WWTR1: variants seen among roughly 807,000 people sequenced by gnomAD.
WWTR1 encodes WW domain-containing transcription regulator protein 1.
A neutral mutation model predicts 40.1 loss-of-function variants in WWTR1; 13 were observed. That is an observed-to-expected ratio of 0.32 (90% CI 0.21 to 0.52). WWTR1 has a LOEUF of 0.52. Ranked by LOEUF, WWTR1 falls within the 20% of genes least tolerant of loss-of-function variation. The pLI, the probability that WWTR1 is intolerant of heterozygous loss-of-function variation, is 0.97. For synonymous variants in WWTR1, 230 were observed against 210.1 expected (o/e 1.09, Z -0.82); for missense variants, 436 against 523.1 (o/e 0.83, Z 1.63).
intron 3 of WWTR1, among the ~76,000 whole-genome samples, chr3:149,545,102 G>A (rs1216735233): frequency 6.6e-6 from 1 of 152,162 alleles, no homozygotes; most frequent in African/African-American, 2.4e-5. Flanking sequence ...AGTCATGATT[G>A]ATGCCAAAAA....
intron 2 of WWTR1, among the ~76,000 whole-genome samples, chr3:149,577,411 G>A (rs1175432323): frequency 6.6e-6 from 1 of 152,094 alleles, no homozygotes; most frequent in Admixed American, 6.5e-5. Flanking sequence ...TGGTATGTGG[G>A]GTTAACGGTA....
chr3:149,528,060 C>G, intron 4 of WWTR1, 91 bp from the exon 5 acceptor site: 1 of 1,484,144 alleles, frequency 6.7e-7, no homozygotes, highest in African/African-American at 1.4e-5. Context: ...TCACCAAATA[C>G]AAAGCACTGT....
intron 2 of WWTR1, among the ~76,000 whole-genome samples, chr3:149,602,981 C>T (rs1739309860): frequency 6.8e-6 from 1 of 146,936 alleles, no homozygotes. Flanking sequence ...ATTTTAAAGC[C>T]AAAGATAAAT....
intron 4 of WWTR1, 71 bp downstream of exon 4, chr3:149,542,264 A>G (rs1560051772): frequency 6.6e-7 from 1 of 1,511,436 alleles, no homozygotes; most frequent in African/African-American, 1.4e-5. Flanking sequence ...CCTGAAGGTA[A>G]GCAGCTACCT....
At chr3:149,671,972 T>C (rs1336258006) in intron 1 of WWTR1, among the ~76,000 whole-genome samples, 1 of 152,138 alleles carries the variant, frequency 6.6e-6, no homozygotes, top group Non-Finnish European at 1.5e-5. Context: ...GGTCCCCAGG[T>C]AAGCAAAGTG....
chr3:149,530,812 C>T (rs934215866), intron 4 of WWTR1, among the ~76,000 whole-genome samples: 3 of 152,244 alleles, frequency 2.0e-5, no homozygotes, highest in East Asian at 3.9e-4. Context: ...ACTTAATCAC[C>T]AAGTCATCCT....
At chr3:149,614,989 A>T (rs988911456) in intron 2 of WWTR1, among the ~76,000 whole-genome samples, 1 of 152,176 alleles carries the variant, frequency 6.6e-6, no homozygotes, top group African/African-American at 2.4e-5. Context: ...GTCTCAAAAA[A>T]AAAAAGATAG....
intron 2 of WWTR1, among the ~76,000 whole-genome samples, chr3:149,634,561 A>T (rs1711715347): frequency 6.6e-6 from 1 of 152,136 alleles, no homozygotes; most frequent in Non-Finnish European, 1.5e-5. Context: ...TTTCAAGGAG[A>T]AATAAATCAG....
intron 1 of WWTR1, among the ~76,000 whole-genome samples, chr3:149,681,038 A>G (rs141186982): frequency 6.6e-6 from 1 of 152,376 alleles, no homozygotes; most frequent in East Asian, 1.9e-4. Context: ...TACATCTTGT[A>G]CTTACAGCTT....
intron 1 of WWTR1, among the ~76,000 whole-genome samples, chr3:149,689,623 A>G (rs1302460903): frequency 1.3e-5 from 2 of 152,122 alleles, no homozygotes; most frequent in Non-Finnish European, 2.9e-5. Context: ...TATCTTAGAA[A>G]ACTATATCCT....
chr3:149,608,737 C>A (rs947461802), intron 2 of WWTR1, among the ~76,000 whole-genome samples: 3 of 150,382 alleles, frequency 2.0e-5, no homozygotes, highest in African/African-American at 7.5e-5. Context: ...GAAGAAGAAC[C>A]AAAACACAAG....
At chr3:149,633,982 G>A (rs1711684037) in intron 2 of WWTR1, among the ~76,000 whole-genome samples, 1 of 152,150 alleles carries the variant, frequency 6.6e-6, no homozygotes, top group Non-Finnish European at 1.5e-5. Flanking sequence ...AGATTAGCCT[G>A]GCTGTGGTGT....
chr3:149,567,183 A>C, intron 3 of WWTR1, among the ~76,000 whole-genome samples: 1 of 149,312 alleles, frequency 6.7e-6, no homozygotes, highest in Non-Finnish European at 1.5e-5. Flanking sequence ...TAGGATTATC[A>C]CCAAAAAGGC....
chr3:149,574,204 T>A (rs77666729), intron 2 of WWTR1, among the ~76,000 whole-genome samples: 2,786 of 152,096 alleles, frequency 0.018, 72 homozygotes, highest in African/African-American at 0.064. Flanking sequence ...CTCATTTTTT[T>A]TAAAAAATTT....
intron 2 of WWTR1, among the ~76,000 whole-genome samples, chr3:149,611,983 A>C (rs1240053843): frequency 6.6e-6 from 1 of 152,180 alleles, no homozygotes; most frequent in Non-Finnish European, 1.5e-5. Context: ...TACTATTCCT[A>C]CTTGACAAAT....
chr3:149,529,799 C>CA (rs1316036987), intron 4 of WWTR1, among the ~76,000 whole-genome samples: 1 of 152,162 alleles, frequency 6.6e-6, no homozygotes, highest in African/African-American at 2.4e-5. Context: ...CACACTCATA[C>CA]ACCCTGAGCC....
chr3:149,674,940 A>G lies in WWTR1; in HGVS notation c.-107-5049T>C, dbSNP rs965400960. 1.3e-5 allele frequency among the ~76,000 whole-genome samples: 2 copies of G among 152,244 alleles called. 1 individual carries two copies. Among genetic ancestry groups the G allele is most frequent in the South Asian group, 4.1e-4 (2 of 4,832 alleles). Reference sequence around the variant, plus strand: ...AATGGCATTTTTAAACAAAAGGGCTAAGTGGAAAAGCAGTGTTTCTGGAAG... The same window carrying G: ...AATGGCATTTTTAAACAAAAGGGCTGAGTGGAAAAGCAGTGTTTCTGGAAG... On this transcript the variant is annotated intron_variant, in intron 1 of 7. Transcript: ENST00000465804.
intron 2 of WWTR1, among the ~76,000 whole-genome samples, chr3:149,574,206 A>T (rs73155013): frequency 0.079 from 11,956 of 151,742 alleles, 585 homozygotes; most frequent in Middle Eastern, 0.14. Flanking sequence ...CATTTTTTTT[A>T]AAAAATTTTT....
intron 2 of WWTR1, among the ~76,000 whole-genome samples, chr3:149,641,422 C>A (rs1712162860): frequency 6.6e-6 from 1 of 152,194 alleles, no homozygotes; most frequent in Non-Finnish European, 1.5e-5. Flanking sequence ...TTTAATTAGC[C>A]ACACCACTGG....
Sources: allele counts gnomAD v4.1 joint callset (sites outside exome capture counted in the v4.1 genomes callset), GRCh38; gene constraint gnomAD v4.1.1; transcripts MANE v1.5; gene names NCBI Gene and HGNC (gene_info 2026-07-23, HGNC 2026-07-21).